The following SIK3 variants were observed in gnomAD, a reference collection of about 807,000 sequenced individuals.
The protein encoded by SIK3 is SIK family kinase 3.
A neutral mutation model predicts 144.2 loss-of-function variants in SIK3; 28 were observed. The observed-to-expected ratio is 0.19, with a 90% confidence interval of 0.14 to 0.27. The LOEUF (loss-of-function observed/expected upper bound fraction) is 0.27. Among genes scored for constraint, SIK3 ranks in the 10% least tolerant of loss-of-function variants. SIK3 has a pLI of 1.00. For synonymous variants in SIK3, 686 were observed against 676.3 expected (o/e 1.01, Z -0.22); for missense variants, 1,319 against 1,776.0 (o/e 0.74, Z 4.62).
intron 1 of SIK3, among the ~76,000 whole-genome samples, chr11:117,023,581 AAAACAAAC>A (rs1173784198): frequency 9.4e-5 from 10 of 106,370 alleles, no homozygotes; most frequent in East Asian, 2.5e-4. Context: ...AATATTCTTA[AAAACAAAC>A]AAACAAACAA....
chr11:116,847,757 G>T (rs11823231), intron 22 of SIK3, 149 bp from the exon 23 acceptor site: 4 of 889,392 alleles, frequency 4.5e-6, no homozygotes, highest in South Asian at 1.6e-5. Context: ...CCACCCAAAG[G>T]GGGTGCTCCA....
chr11:116,847,709 A>G (rs1448230078), intron 22 of SIK3, 101 bp from the exon 23 acceptor site: 1 of 1,511,744 alleles, frequency 6.6e-7, no homozygotes, highest in African/African-American at 1.4e-5. Flanking sequence ...GGCAAAAGAC[A>G]GCCCGGGGCC....
At chr11:116,910,299 A>G (rs1946271479) in intron 4 of SIK3, among the ~76,000 whole-genome samples, 1 of 152,194 alleles carries the variant, frequency 6.6e-6, no homozygotes, top group Admixed American at 6.5e-5. Context: ...TATCAAATGA[A>G]AAAACATAGC....
rs1052336538 is a variant in SIK3 at position 116,849,632 on chromosome 11, G to A, written c.3656-349C>T. Among the ~76,000 whole-genome samples, 7 of 152,090 alleles carry A rather than the reference G, an allele frequency of 4.6e-5. No individual in the cohort carries two copies. Among genetic ancestry groups the A allele is most frequent in the African/African-American group, 1.7e-4 (7 of 41,398 alleles). ...CTCTCGGAGCTTTCAGGACCCTCTA[G>A]CCCTAGAGGATGCATCTGTTCTGTG... On this transcript the variant is annotated intron_variant, in intron 21 of 24. Coordinates refer to ENST00000445177, the MANE Select transcript of SIK3 (RefSeq NM_001366686.3). The surrounding 1 kb of genome is among the most constrained non-coding windows in gnomAD (Gnocchi z 4.2).
Position 117,018,402 on chromosome 11 carries a change from C to T in SIK3, c.274-61338G>A, listed in dbSNP as rs79598249. On this transcript the variant is annotated intron_variant, in intron 1 of 24. Coordinates refer to ENST00000445177, the MANE Select transcript of SIK3 (RefSeq NM_001366686.3). ...TGTGCAGGGGTCAGCTCTACAACAG[C>T]ATTCACTAATTCTGACCAAATGACA... 6.6e-5 allele frequency among the ~76,000 whole-genome samples: 10 copies of T among 152,334 alleles called. No homozygotes were observed. The East Asian group carries it at 1.9e-3, about 29-fold the overall frequency.
chr11:117,084,136 T>C (rs1031179228), intron 1 of SIK3, among the ~76,000 whole-genome samples: 1 of 152,232 alleles, frequency 6.6e-6, no homozygotes, highest in Non-Finnish European at 1.5e-5. Flanking sequence ...CCTGCCAAAA[T>C]AATCAATGCT....
At chr11:117,079,030 A>T (rs1344754511) in intron 1 of SIK3, among the ~76,000 whole-genome samples, 1 of 152,144 alleles carries the variant, frequency 6.6e-6, no homozygotes, top group Non-Finnish European at 1.5e-5. Context: ...ACACCCCAAA[A>T]ATCATTTCTG....
chr11:117,027,799 C>A (rs535878680), intron 1 of SIK3, among the ~76,000 whole-genome samples: 1 of 152,214 alleles, frequency 6.6e-6, no homozygotes, highest in South Asian at 2.1e-4. Context: ...CTGACTCCCC[C>A]TGACCCATCT....
At position 116,861,920 on chromosome 11, in the gene SIK3, T is replaced by C. The variant is rs971171475; in HGVS notation, c.2236A>G (p.Ile746Val). The change falls in exon 18 of 25, where the codon ATC becomes GTC. Residue 746 changes from isoleucine (I) to valine (V), a missense_variant. Coordinates refer to ENST00000445177, the MANE Select transcript of SIK3 (RefSeq NM_001366686.3). ...GGTGGAGATGGCTGAGGAGGACAGA[T>C]AGAGTCCTAAAACATATATGGGGAA... Reference protein sequence around the residue: ...QILQQQIQDSICPPQPSPPLQ... With the variant: ...QILQQQIQDSVCPPQPSPPLQ... 10 of 1,607,568 alleles carry C rather than the reference T, an allele frequency of 6.2e-6. No homozygotes were observed. Among genetic ancestry groups the C allele is most frequent in the Admixed American group, 5.1e-5 (3 of 59,196 alleles).
intron 23 of SIK3, among the ~76,000 whole-genome samples, chr11:116,847,121 G>A (rs1248515135): frequency 1.3e-5 from 2 of 152,168 alleles, no homozygotes; most frequent in African/African-American, 4.8e-5. Flanking sequence ...CAAGGCCTAC[G>A]CCTATTATTT....
chr11:117,043,602 C>T (rs1004055498), intron 1 of SIK3, among the ~76,000 whole-genome samples: 3 of 152,218 alleles, frequency 2.0e-5, no homozygotes, highest in African/African-American at 7.2e-5. Context: ...ATTAACCATG[C>T]CTCAACATTG....
At chr11:116,903,015 T>C (rs1349974040) in intron 4 of SIK3, among the ~76,000 whole-genome samples, 1 of 152,228 alleles carries the variant, frequency 6.6e-6, no homozygotes, top group East Asian at 1.9e-4. Flanking sequence ...ATCTTCACTA[T>C]TGCTATGCAT....
chr11:116,916,550 G>A (rs1360538769), intron 4 of SIK3, among the ~76,000 whole-genome samples: 7 of 144,216 alleles, frequency 4.9e-5, no homozygotes, highest in African/African-American at 1.5e-4. Context: ...TTGCTCTGTC[G>A]CCCAGGCTGG....
chr11:116,992,430 T>C (rs1950531493), intron 1 of SIK3, among the ~76,000 whole-genome samples: 1 of 151,914 alleles, frequency 6.6e-6, no homozygotes, highest in African/African-American at 2.4e-5. Flanking sequence ...ATCCACTCCT[T>C]ACCTATATCC....
intron 1 of SIK3, among the ~76,000 whole-genome samples, chr11:116,982,931 G>C: frequency 1.0e-5 from 1 of 99,278 alleles, no homozygotes; most frequent in East Asian, 2.9e-4. Flanking sequence ...GTGACGGTAC[G>C]AGACTCCGTC....
intron 15 of SIK3, among the ~76,000 whole-genome samples, chr11:116,866,309 G>A (rs779849989): frequency 6.6e-6 from 1 of 152,178 alleles, no homozygotes; most frequent in Non-Finnish European, 1.5e-5. Flanking sequence ...TGGAGGAAGG[G>A]AAGAAGGAGA....
intron 3 of SIK3, among the ~76,000 whole-genome samples, chr11:116,936,504 T>C (rs185017195): frequency 5.9e-5 from 9 of 152,338 alleles, no homozygotes; most frequent in Admixed American, 4.6e-4. Context: ...ATCTTCCTGC[T>C]GTAACCTAGT....
chr11:116,957,391 A>G (rs1170382743), intron 1 of SIK3, among the ~76,000 whole-genome samples: 2 of 152,170 alleles, frequency 1.3e-5, no homozygotes, highest in Non-Finnish European at 2.9e-5. Context: ...TTCAGTGCAG[A>G]GTGGTATACA....
At chr11:117,090,515 T>C (rs1955196694) in intron 1 of SIK3, among the ~76,000 whole-genome samples, 1 of 152,182 alleles carries the variant, frequency 6.6e-6, no homozygotes, top group Admixed American at 6.5e-5. Flanking sequence ...TGGAAAGTGT[T>C]AGTCATTTAG....
Sources: gnomAD v4.1 joint callset for allele counts (sites outside exome capture counted in the v4.1 genomes callset) on GRCh38, gnomAD v4.1.1 for gene constraint, Gnocchi (gnomAD v3.1) non-coding constraint, MANE v1.5 for transcripts, NCBI Gene and HGNC (gene_info 2026-07-23, HGNC 2026-07-21) for gene names.